Variants in GRIN3A observed in about 807,000 individuals in gnomAD.
GRIN3A encodes the protein glutamate ionotropic receptor NMDA type subunit 3A.
Under a neutral mutation model 92.4 loss-of-function variants are expected in GRIN3A, and 47 were observed. The ratio of observed to expected loss-of-function variants is 0.51; its 90% confidence interval spans 0.40 to 0.65. GRIN3A has a LOEUF of 0.65. GRIN3A is among the 30% of genes least tolerant of loss of function. The probability of loss-of-function intolerance (pLI) is 0.00; values close to 1 mark genes in which losing one functional copy is unlikely to be tolerated. For synonymous variants in GRIN3A, 527 were observed against 540.6 expected, an observed-to-expected ratio of 0.97 and a Z score of 0.35; for missense variants, 1,324 against 1,393.1, an observed-to-expected ratio of 0.95 and a Z score of 0.79.
At chr9:101,710,109 T>G (rs757470443) in intron 1 of GRIN3A, among the ~76,000 whole-genome samples, 1 of 152,126 alleles carries the variant, frequency 6.6e-6, no homozygotes, top group Non-Finnish European at 1.5e-5. Flanking sequence ...GAGATTAGAT[T>G]TGAAGTATGG....
chr9:101,640,653 TG>T (rs139628099), intron 3 of GRIN3A, among the ~76,000 whole-genome samples: 12,793 of 152,194 alleles, frequency 0.084, 770 homozygotes, highest in East Asian at 0.22. Flanking sequence ...TCCCATGTGT[TG>T]TGGGAGGGAC....
intron 1 of GRIN3A, among the ~76,000 whole-genome samples, chr9:101,713,225 C>G (rs540325745): frequency 8.5e-5 from 13 of 152,226 alleles, no homozygotes; most frequent in Non-Finnish European, 1.6e-4. Flanking sequence ...TAGGCATCTC[C>G]AAGAAGAACG....
At chr9:101,617,581 A>G (rs1044315795) in intron 5 of GRIN3A, among the ~76,000 whole-genome samples, 2 of 152,222 alleles carry the variant, frequency 1.3e-5, no homozygotes, top group Middle Eastern at 3.4e-3. Context: ...CTGTTTAAAT[A>G]CATGTATTGA....
chr9:101,660,448 A>C (rs1588271192), intron 3 of GRIN3A, among the ~76,000 whole-genome samples: 1 of 151,828 alleles, frequency 6.6e-6, no homozygotes. Context: ...AATAGATGTC[A>C]TAATCAAGTC....
intron 1 of GRIN3A, among the ~76,000 whole-genome samples, chr9:101,728,350 C>A (rs1192205524): frequency 6.6e-6 from 1 of 152,046 alleles, no homozygotes. Flanking sequence ...TAATGACCAC[C>A]CCTGGCGGTG....
At chr9:101,619,835 G>A (rs1022941445) in intron 5 of GRIN3A, among the ~76,000 whole-genome samples, 4 of 152,162 alleles carry the variant, frequency 2.6e-5, no homozygotes, top group African/African-American at 4.8e-5. Context: ...TTGGAGACAC[G>A]TATTCATTTA....
intron 6 of GRIN3A, among the ~76,000 whole-genome samples, chr9:101,605,695 G>C (rs187309673): frequency 6.6e-6 from 1 of 152,298 alleles, no homozygotes; most frequent in East Asian, 1.9e-4. Context: ...ATGGGGTACT[G>C]TTTCCTGCTG....
At chr9:101,714,926 T>C (rs1486508835) in intron 1 of GRIN3A, among the ~76,000 whole-genome samples, 2 of 152,154 alleles carry the variant, frequency 1.3e-5, no homozygotes, top group Non-Finnish European at 2.9e-5. Flanking sequence ...CTACATTAAA[T>C]GTCCAATGAT....
At chr9:101,730,276 G>A (rs979366501) in intron 1 of GRIN3A, among the ~76,000 whole-genome samples, 2 of 152,170 alleles carry the variant, frequency 1.3e-5, no homozygotes, top group African/African-American at 4.8e-5. Flanking sequence ...TTTTGCTGGA[G>A]CTGGAAGTCC....
chr9:101,631,556 C>G (rs550694655), intron 3 of GRIN3A, among the ~76,000 whole-genome samples: 1 of 152,110 alleles, frequency 6.6e-6, no homozygotes, highest in Non-Finnish European at 1.5e-5. Context: ...GCACATCGTT[C>G]CTTTCCAAAG....
chr9:101,620,061 A>G (rs1426755851), intron 5 of GRIN3A, among the ~76,000 whole-genome samples: 1 of 152,242 alleles, frequency 6.6e-6, no homozygotes, highest in African/African-American at 2.4e-5. Context: ...CTTTTAAGTC[A>G]AAATAAATGC....
At chr9:101,609,075 C>T (rs1477017599) in intron 6 of GRIN3A, among the ~76,000 whole-genome samples, 1 of 152,176 alleles carries the variant, frequency 6.6e-6, no homozygotes, top group Non-Finnish European at 1.5e-5. Flanking sequence ...TTTGTTTAGG[C>T]CTTCACGCTT....
At chr9:101,600,378 C>T (rs1368530646) in intron 6 of GRIN3A, among the ~76,000 whole-genome samples, 3 of 152,066 alleles carry the variant, frequency 2.0e-5, no homozygotes, top group Non-Finnish European at 4.4e-5. Flanking sequence ...TAATACTGAC[C>T]TAAAGTGGAT....
At chr9:101,644,235 C>T (rs188972802) in intron 3 of GRIN3A, among the ~76,000 whole-genome samples, 8 of 151,220 alleles carry the variant, frequency 5.3e-5, no homozygotes, top group South Asian at 4.2e-4. Flanking sequence ...CATCATTTTC[C>T]GATAATTTTC....
chr9:101,649,010 A>G (rs1404583070), intron 3 of GRIN3A, among the ~76,000 whole-genome samples: 3 of 152,046 alleles, frequency 2.0e-5, no homozygotes, highest in Non-Finnish European at 4.4e-5. Flanking sequence ...AGGAAGACAT[A>G]ATGGAAACCA....
chr9:101,577,879 T>C, intron 7 of GRIN3A, 35 bp from the exon 8 acceptor site: 1 of 1,473,496 alleles, frequency 6.8e-7, no homozygotes, highest in Non-Finnish European at 9.5e-7. Flanking sequence ...GTAGAAATTA[T>C]GAGAAACACA....
At chr9:101,671,437 C>A (rs1829323388) in intron 2 of GRIN3A, among the ~76,000 whole-genome samples, 1 of 152,146 alleles carries the variant, frequency 6.6e-6, no homozygotes, top group South Asian at 2.1e-4. Flanking sequence ...TGCATATTCT[C>A]ACAACTTTTC....
chr9:101,648,851 G>A (rs1300057999), intron 3 of GRIN3A, among the ~76,000 whole-genome samples: 1 of 151,818 alleles, frequency 6.6e-6, no homozygotes, highest in East Asian at 1.9e-4. Context: ...TGTGGGTGTT[G>A]TTTGGTGGTG....
At position 101,569,558 on chromosome 9, in the gene GRIN3A, C is replaced by G. The variant is rs995709114; in HGVS notation, c.*3616G>C. 6.6e-6 allele frequency: 1 copy of G among 152,068 alleles called. No homozygotes were observed. Among genetic ancestry groups the G allele is most frequent in the Admixed American group, 6.6e-5 (1 of 15,266 alleles). The allele number at this position is 152,068 out of a possible 1,614,324, so 9.4% of individuals were successfully genotyped here. On this transcript the variant is annotated 3_prime_UTR_variant, in exon 9 of 9. Coordinates refer to ENST00000361820, the MANE Select transcript of GRIN3A (RefSeq NM_133445.3). ...TTAAAATGAAGACACAATGCAAATA[C>G]TCTTCACAAACCTTAAGAAAATACT...
Sources: gnomAD v4.1 joint callset for allele counts (sites outside exome capture counted in the v4.1 genomes callset) on GRCh38, gnomAD v4.1.1 for gene constraint, MANE v1.5 for transcripts, NCBI Gene and HGNC (gene_info 2026-07-23, HGNC 2026-07-21) for gene names.